ZC2HC1B: variants seen among roughly 807,000 people sequenced by gnomAD.
ZC2HC1B encodes zinc finger C2HC domain-containing protein 1B.
In ZC2HC1B, 36 loss-of-function variants were observed where a neutral mutation model predicts 31.0. The ratio of observed to expected loss-of-function variants is 1.16; its 90% CI spans 0.89 to 1.54. The LOEUF (loss-of-function observed/expected upper bound fraction) is 1.54. ZC2HC1B is among the 40% of genes most tolerant of loss of function. The pLI is 0.00. For synonymous variants in ZC2HC1B, 73 were observed against 88.0 expected, an observed-to-expected ratio of 0.83 and a Z score of 0.95; for missense variants, 260 against 268.6, an observed-to-expected ratio of 0.97 and a Z score of 0.22.
chr6:143,886,140 C>A lies in ZC2HC1B; in HGVS notation c.199C>A (p.Pro67Thr). 4 of 1,543,402 alleles carry A rather than the reference C, an allele frequency of 2.6e-6. No homozygotes were observed. The highest frequency in any genetic ancestry group is 1.7e-4 in the Middle Eastern group (1 of 5,944). The change falls in exon 3 of 8, where the codon CCA becomes ACA. Residue 67 changes from proline to threonine, a missense_variant. By Grantham distance (38) the Pro-to-Thr change is conservative. Transcript: ENST00000237275. The surrounding 1 kb of genome is among the most constrained non-coding windows in gnomAD (Gnocchi z 4.2). ...TGACATTCCTACTGTGAAGAAGACT[C>A]CACAATCCAAGGTACTCCTGATATC... ...GTDIPTVKKT[P>T]QSKSPPVRKS... is the part of the protein sequence containing the mutation.
chr6:143,899,967 T>C lies in ZC2HC1B; in HGVS notation c.489+1276T>C, dbSNP rs1338475905. The stretch of plus-strand genomic sequence containing the variant: ...GGAAGTCTTCAAAGGCAAGCAAACT[T>C]TTTGCCCTTAAATATCAAAATGGGT... On this transcript the variant is annotated intron_variant, in intron 5 of 7. Transcript: ENST00000237275. This position sits in a 1 kb window ranked among gnomAD's most constrained non-coding sequence, Gnocchi z 5.0. Among the ~76,000 whole-genome samples the C allele has an allele frequency of 6.6e-6, 1 of 152,130 alleles. No homozygotes were observed.
chr6:143,886,179 G>A lies in ZC2HC1B; in HGVS notation c.210+28G>A. ...ACTCCTGATATCTTCTTTAGTGTTT[G>A]TTATTACATTCTGCGGTACTGTAAG... On this transcript the variant is annotated intron_variant, in intron 3 of 7. Transcript: ENST00000237275. This position sits in a 1 kb window ranked among gnomAD's most constrained non-coding sequence, Gnocchi z 4.2. 4 of 1,497,004 alleles carry A rather than the reference G, an allele frequency of 2.7e-6. No individual in the cohort carries two copies. Among genetic ancestry groups the A allele is most frequent in the Non-Finnish European group, 3.5e-6 (4 of 1,126,886 alleles). The allele number at this position is 1,497,004 out of a possible 1,614,324, so 92.7% of individuals were successfully genotyped here.
At position 143,899,326 on chromosome 6, in the gene ZC2HC1B, C is replaced by T. The variant is rs527304045; in HGVS notation, c.489+635C>T. Among the ~76,000 whole-genome samples the T allele has an allele frequency of 3.9e-5, 6 of 152,290 alleles. No homozygotes were observed. The highest frequency in any genetic ancestry group is 2.6e-4 in the Admixed American group (4 of 15,304). ...GCATAAAAACTATTAGTTTCATAGA[C>T]GTGGCTTAGATGCCATGAAAAGTTG... On this transcript the variant is annotated intron_variant, in intron 5 of 7. Transcript: ENST00000237275. This position sits in a 1 kb window ranked among gnomAD's most constrained non-coding sequence, Gnocchi z 5.0.
intron 4 of ZC2HC1B, among the ~76,000 whole-genome samples, chr6:143,891,812 G>A (rs1325809062): frequency 6.6e-6 from 1 of 152,110 alleles, no homozygotes; most frequent in Non-Finnish European, 1.5e-5. Flanking sequence ...GCACAAAATT[G>A]GAGTATTTAC....
chr6:143,930,590 C>T (rs913497232), intron 6 of ZC2HC1B, among the ~76,000 whole-genome samples: 1 of 151,844 alleles, frequency 6.6e-6, no homozygotes, highest in Non-Finnish European at 1.5e-5. Context: ...GGGATTTCAC[C>T]GTGGTCTCGA....
chr6:143,876,480 T>A (rs1777409789), intron 1 of ZC2HC1B, among the ~76,000 whole-genome samples: 1 of 150,500 alleles, frequency 6.6e-6, no homozygotes, highest in South Asian at 2.2e-4. Flanking sequence ...TTTTTGGGTC[T>A]AATTATATTA....
intron 4 of ZC2HC1B, among the ~76,000 whole-genome samples, chr6:143,894,675 C>G (rs2128494614): frequency 6.6e-6 from 1 of 152,242 alleles, no homozygotes; most frequent in Admixed American, 6.5e-5. Flanking sequence ...AAGATCTGTG[C>G]TGTGATTTTA....
At chr6:143,910,836 C>A (rs535066146) in intron 6 of ZC2HC1B, among the ~76,000 whole-genome samples, 96 of 152,316 alleles carry the variant, frequency 6.3e-4, no homozygotes, top group African/African-American at 2.2e-3. Context: ...TCATTGCAAC[C>A]TCCACCTCCT....
rs1730018599 is a variant in ZC2HC1B at position 143,905,163 on chromosome 6, G to C, written c.598+2011G>C. Among the ~76,000 whole-genome samples, 1 of 152,104 alleles carries C rather than the reference G, an allele frequency of 6.6e-6. No homozygotes were observed. The highest frequency in any genetic ancestry group is 1.5e-5 in the Non-Finnish European group (1 of 68,004). On this transcript the variant is annotated intron_variant, in intron 6 of 7. Coordinates refer to ENST00000237275, the MANE Select transcript of ZC2HC1B (RefSeq NM_001013623.3). The surrounding 1 kb of genome is among the most constrained non-coding windows in gnomAD (Gnocchi z 4.2). ...TCTGCAGATTGCTTTGGTTAGTATG[G>C]ACATCTTAACAATAGTAAGTTTTCA... is the stretch of plus-strand genomic sequence containing the variant.
chr6:143,893,679 T>C (rs1777628280), intron 4 of ZC2HC1B, among the ~76,000 whole-genome samples: 1 of 152,050 alleles, frequency 6.6e-6, no homozygotes, highest in South Asian at 2.1e-4. Context: ...TTTGCACTGG[T>C]ATTTTCTTTT....
At chr6:143,904,284 T>C (rs1777769568) in intron 6 of ZC2HC1B, among the ~76,000 whole-genome samples, 1 of 152,224 alleles carries the variant, frequency 6.6e-6, no homozygotes, top group African/African-American at 2.4e-5. Context: ...ATTAATCCCT[T>C]ATCAGCCATA....
Position 143,869,190 on chromosome 6 carries a change from T to C in ZC2HC1B, c.28+4623T>C, listed in dbSNP as rs975006450. On this transcript the variant is annotated intron_variant, in intron 1 of 7. Transcript: ENST00000237275. This position sits in a 1 kb window ranked among gnomAD's most constrained non-coding sequence, Gnocchi z 5.2. ...TGGATTAGGCTGTTGTAGTTTCCCA[T>C]TGACCTGAATCACAGGACATGGTAA... Among the ~76,000 whole-genome samples the C allele has an allele frequency of 1.5e-4, 23 of 152,186 alleles. 1 individual carries two copies. The highest frequency in any genetic ancestry group is 2.6e-4 in the Admixed American group (4 of 15,278).
chr6:143,930,551 C>A (rs2128497765), intron 6 of ZC2HC1B, among the ~76,000 whole-genome samples: 1 of 152,032 alleles, frequency 6.6e-6, no homozygotes, highest in South Asian at 2.1e-4. Flanking sequence ...CCACGCCCGG[C>A]TAATTTTTTT....
In ZC2HC1B at chr6:143,923,458, A is replaced by G. The variant is rs1778003405; in HGVS notation, c.599-14191A>G. On this transcript the variant is annotated intron_variant, in intron 6 of 7. Coordinates refer to ENST00000237275, the MANE Select transcript of ZC2HC1B (RefSeq NM_001013623.3). This position sits in a 1 kb window ranked among gnomAD's most constrained non-coding sequence, Gnocchi z 4.8. ...GCTGCATAGAAGCTTTTTAGTTTAT[A>G]TAGTCCCATTTGTTTATTTTATTTT... 6.6e-6 allele frequency among the ~76,000 whole-genome samples: 1 copy of G among 152,054 alleles called. No individual in the cohort carries two copies. The highest frequency in any genetic ancestry group is 2.1e-4 in the South Asian group (1 of 4,822).
rs1428466610 is a variant in ZC2HC1B, at chr6:143,868,880, A to G, written c.28+4313A>G. On this transcript the variant is annotated intron_variant, in intron 1 of 7. Coordinates refer to ENST00000237275, the MANE Select transcript of ZC2HC1B (RefSeq NM_001013623.3). This position sits in a 1 kb window ranked among gnomAD's most constrained non-coding sequence, Gnocchi z 4.2. Reference sequence around the variant, plus strand: ...GCGAAGTCAATAAATCTTATGTCACATGATGAAGGAAAAAGTAAATAAAAT... The same window carrying G: ...GCGAAGTCAATAAATCTTATGTCACGTGATGAAGGAAAAAGTAAATAAAAT... Among the ~76,000 whole-genome samples, 2 of 152,246 alleles carry G rather than the reference A, an allele frequency of 1.3e-5. No homozygotes were observed. The highest frequency in any genetic ancestry group is 4.8e-5 in the African/African-American group (2 of 41,464).
rs1778148987 is a variant in ZC2HC1B, at chr6:143,933,826, C to T, written c.599-3823C>T. Among the ~76,000 whole-genome samples, 2 of 152,238 alleles carry T rather than the reference C, an allele frequency of 1.3e-5. No individual in the cohort carries two copies. The highest frequency in any genetic ancestry group is 4.8e-5 in the African/African-American group (2 of 41,462). On this transcript the variant is annotated intron_variant, in intron 6 of 7. Transcript: ENST00000237275. The surrounding 1 kb of genome is among the most constrained non-coding windows in gnomAD (Gnocchi z 6.4). ...TGCCACACTGTCAGCCGCATCTCCA[C>T]TGTGCTTTCTGCAACAGTTCCTGTT...
At chr6:143,894,166 TAAAC>T (rs150731773) in intron 4 of ZC2HC1B, among the ~76,000 whole-genome samples, 7,395 of 152,270 alleles carry the variant, frequency 0.049, 263 homozygotes, top group African/African-American at 0.08. Context: ...ATTGAATAGA[TAAAC>T]AGATTGTGGA....
chr6:143,930,512 C>T (rs997574115), intron 6 of ZC2HC1B, among the ~76,000 whole-genome samples: 4 of 151,642 alleles, frequency 2.6e-5, no homozygotes, highest in Admixed American at 6.6e-5. Context: ...TCAGCCTCTC[C>T]GAGTAGCTGG....
intron 4 of ZC2HC1B, among the ~76,000 whole-genome samples, chr6:143,889,225 A>C (rs1485147153): frequency 1.3e-5 from 2 of 152,166 alleles, no homozygotes; most frequent in Non-Finnish European, 2.9e-5. Context: ...ATTGCTATTT[A>C]GCTAATAAGA....
Sources: gnomAD v4.1 joint callset for allele counts (sites outside exome capture counted in the v4.1 genomes callset) on GRCh38, gnomAD v4.1.1 for gene constraint, Gnocchi (gnomAD v3.1) non-coding constraint, MANE v1.5 for transcripts, NCBI Gene and HGNC (gene_info 2026-07-23, HGNC 2026-07-21) for gene names.